The following ZDHHC11 variants were observed in gnomAD, a reference collection of about 807,000 sequenced individuals.
ZDHHC11 encodes palmitoyltransferase ZDHHC11.
A neutral mutation model predicts 51.3 loss-of-function variants in ZDHHC11; 44 were observed. The observed-to-expected ratio is 0.86, with a 90% CI of 0.67 to 1.10. The LOEUF (loss-of-function observed/expected upper bound fraction) is 1.10. Ranked by LOEUF, ZDHHC11 falls within the 50% of genes least tolerant of loss-of-function variation. The probability of loss-of-function intolerance (pLI) is 0.00; values close to 1 mark genes in which losing one functional copy is unlikely to be tolerated. For synonymous variants in ZDHHC11, 163 were observed against 222.0 expected, an observed-to-expected ratio of 0.73 and a Z score of 2.36; for missense variants, 400 against 537.7, an observed-to-expected ratio of 0.74 and a Z score of 2.53.
intron 1 of ZDHHC11, among the ~76,000 whole-genome samples, chr5:848,982 C>G (rs931044760): frequency 1.6e-4 from 25 of 151,954 alleles, no homozygotes; most frequent in Middle Eastern, 3.4e-3. Context: ...TCACCCATGC[C>G]CGGCCCTGCT....
chr5:849,104 C>T (rs910937348), intron 1 of ZDHHC11, among the ~76,000 whole-genome samples: 1 of 150,822 alleles, frequency 6.6e-6, no homozygotes, highest in Non-Finnish European at 1.5e-5. Context: ...GATGAGTCCA[C>T]CCGTCGGCCC....
At chr5:851,319 T>C (rs777957175), upstream of ZDHHC11, among the ~76,000 whole-genome samples, 82 of 146,024 alleles carry the variant, frequency 5.6e-4, no homozygotes, top group Non-Finnish European at 1.0e-3. Flanking sequence ...CTGCGGCTGC[T>C]CCTGGCCAGT....
intron 10 of ZDHHC11, 142 bp downstream of exon 10, chr5:819,383 C>G: frequency 2.4e-6 from 2 of 829,652 alleles, no homozygotes; most frequent in South Asian, 3.2e-5. Context: ...CTCCACCCAC[C>G]ATCATTCCCA....
chr5:841,886 G>C, intron 4 of ZDHHC11: 1 of 989,730 alleles, frequency 1.0e-6, no homozygotes, highest in Non-Finnish European at 1.2e-6. Flanking sequence ...TTCGGTGACA[G>C]ACCCTCTCTG....
At chr5:855,285 G>GC (rs1282033708), upstream of ZDHHC11, among the ~76,000 whole-genome samples, 2 of 147,662 alleles carry the variant, frequency 1.4e-5, no homozygotes, top group African/African-American at 5.0e-5. Context: ...GAGCCAGGGA[G>GC]ACAGATCCCA....
At chr5:844,243 G>T (rs1439692725) in intron 3 of ZDHHC11, among the ~76,000 whole-genome samples, 1 of 152,282 alleles carries the variant, frequency 6.6e-6, no homozygotes, top group African/African-American at 2.4e-5. Flanking sequence ...AGGGGTGGCC[G>T]TGGGACATTC....
chr5:841,998 C>G (rs1306654636), intron 4 of ZDHHC11: 11 of 988,418 alleles, frequency 1.1e-5, no homozygotes, highest in East Asian at 1.1e-4. Flanking sequence ...CATGCTGCCC[C>G]CCTTAGCCAG....
intron 8 of ZDHHC11, chr5:823,910 A>G (rs111707776): frequency 0.19 from 70,988 of 378,156 alleles, 11,067 homozygotes; most frequent in African/African-American, 0.55. Flanking sequence ...AGTCTGGGCC[A>G]GGGTGGGCTG....
intron 7 of ZDHHC11, among the ~76,000 whole-genome samples, chr5:833,202 T>C (rs1371969353): frequency 6.6e-6 from 1 of 152,296 alleles, no homozygotes; most frequent in Non-Finnish European, 1.5e-5. Flanking sequence ...AAAGAGTCTG[T>C]GAAGACTGAA....
chr5:850,256 T>G, intron 1 of ZDHHC11, 125 bp downstream of exon 1: 5 of 1,105,758 alleles, frequency 4.5e-6, no homozygotes, highest in South Asian at 3.0e-5. Context: ...TCAGGGGACA[T>G]AGTCTGGCCC....
chr5:836,714 TATA>T (rs1743906867), intron 6 of ZDHHC11, among the ~76,000 whole-genome samples: 5 of 149,620 alleles, frequency 3.3e-5, no homozygotes, highest in Admixed American at 2.6e-4. Flanking sequence ...TTGAGTTAGT[TATA>T]ATAATTCATG....
At position 837,909 on chromosome 5, in the gene ZDHHC11, A is replaced by G. The variant is rs1029915282; in HGVS notation, c.785-429T>C. ...GGGGCCGCTCTGTCTGAGGGTCCAGATGGCCTGTGGGGTTCCCCACATCTG... is the reference window on the plus strand; with the variant it reads ...GGGGCCGCTCTGTCTGAGGGTCCAGGTGGCCTGTGGGGTTCCCCACATCTG... On this transcript the variant is annotated intron_variant, in intron 5 of 12. Transcript: ENST00000283441. 2.3e-4 allele frequency among the ~76,000 whole-genome samples: 35 copies of G among 152,004 alleles called. 1 individual carries two copies. Among genetic ancestry groups the G allele is most frequent in the South Asian group, 6.2e-4 (3 of 4,804 alleles).
intron 7 of ZDHHC11, among the ~76,000 whole-genome samples, chr5:825,831 T>G (rs1223128895): frequency 5.3e-5 from 8 of 152,336 alleles, no homozygotes; most frequent in African/African-American, 1.7e-4. Context: ...ACCCTGCTCC[T>G]AGGAAGGAGA....
intron 11 of ZDHHC11, among the ~76,000 whole-genome samples, chr5:807,167 G>A (rs1326821522): frequency 6.6e-6 from 1 of 150,766 alleles, no homozygotes; most frequent in Non-Finnish European, 1.5e-5. Context: ...CAAGCAGTAT[G>A]GACAGACCTT....
chr5:840,356 A>T (rs772966512), intron 5 of ZDHHC11, 139 bp downstream of exon 5: 4 of 1,145,430 alleles, frequency 3.5e-6, no homozygotes, highest in Non-Finnish European at 5.1e-6. Flanking sequence ...CCCTGAACAC[A>T]TGCGCACACG....
At chr5:842,822 C>G in intron 4 of ZDHHC11, 1 of 539,728 alleles carries the variant, frequency 1.9e-6, no homozygotes, top group Non-Finnish European at 2.4e-6. Context: ...CCCAATTTTG[C>G]CAGCTCCTGT....
chr5:816,522 A>G, intron 10 of ZDHHC11: 1 of 532,158 alleles, frequency 1.9e-6, no homozygotes, highest in Admixed American at 2.2e-5. Context: ...AAAACTCTGG[A>G]TGATTCTGCC....
At chr5:819,760 G>A (rs1415106622) in intron 9 of ZDHHC11, 148 bp from the exon 10 acceptor site, 1 of 752,218 alleles carries the variant, frequency 1.3e-6, no homozygotes, top group Non-Finnish European at 2.2e-6. Flanking sequence ...CCGGGAGGTT[G>A]TGTGAGTGCT....
At chr5:813,355 T>C (rs566192260) in intron 11 of ZDHHC11, among the ~76,000 whole-genome samples, 1 of 141,720 alleles carries the variant, frequency 7.1e-6, no homozygotes, top group East Asian at 2.3e-4. Flanking sequence ...AAAAAATAAA[T>C]GTTCCTCCAT....
Sources: allele counts gnomAD v4.1 joint callset (sites outside exome capture counted in the v4.1 genomes callset), GRCh38; gene constraint gnomAD v4.1.1; transcripts MANE v1.5; gene names NCBI Gene and HGNC (gene_info 2026-07-23, HGNC 2026-07-21).